Variants in ERC2 observed in about 807,000 individuals in gnomAD.
ERC2 encodes the protein ELKS/RAB6-interacting/CAST family member 2, also known as ERC protein 2.
A neutral mutation model predicts 114.8 loss-of-function variants in ERC2; 42 were observed. The ratio of observed to expected loss-of-function variants is 0.37; its 90% CI spans 0.29 to 0.47. ERC2 has a LOEUF of 0.47. ERC2 is among the 20% of genes least tolerant of loss of function. ERC2 has a pLI of 0.99. For missense variants in ERC2, 939 were observed against 1,150.7 expected (o/e 0.82, Z 2.66); for synonymous variants, 454 against 425.5 (o/e 1.07, Z -0.82).
intron 1 of ERC2, among the ~76,000 whole-genome samples, chr3:56,443,608 G>C (rs938701635): frequency 6.6e-6 from 1 of 151,318 alleles, no homozygotes; most frequent in African/African-American, 2.4e-5. Flanking sequence ...GCCCCACCCA[G>C]CTGTGTTTCA....
At chr3:56,382,206 C>T (rs2059778844) in intron 2 of ERC2, among the ~76,000 whole-genome samples, 1 of 152,148 alleles carries the variant, frequency 6.6e-6, no homozygotes, top group African/African-American at 2.4e-5. Flanking sequence ...TGTGCCTACC[C>T]ATAGTAGCCC....
intron 8 of ERC2, among the ~76,000 whole-genome samples, chr3:56,013,265 T>C (rs2073080597): frequency 6.6e-6 from 1 of 152,210 alleles, no homozygotes; most frequent in Non-Finnish European, 1.5e-5. Context: ...TGATGGATTC[T>C]TTTCATCAGC....
At chr3:56,149,384 C>G (rs1452745588) in intron 4 of ERC2, among the ~76,000 whole-genome samples, 1 of 151,994 alleles carries the variant, frequency 6.6e-6, no homozygotes, top group East Asian at 1.9e-4. Flanking sequence ...TATCTAATAT[C>G]TGGGAATCAA....
chr3:56,191,633 C>T (rs1354371896), intron 3 of ERC2, among the ~76,000 whole-genome samples: 3 of 152,060 alleles, frequency 2.0e-5, no homozygotes, highest in South Asian at 2.1e-4. Flanking sequence ...GCAGTGCTGT[C>T]GCAAACCCAA....
chr3:56,423,373 G>A (rs982432677), intron 2 of ERC2, among the ~76,000 whole-genome samples: 2 of 152,210 alleles, frequency 1.3e-5, no homozygotes, highest in African/African-American at 2.4e-5. Context: ...GGGCTGTCCC[G>A]TGCACTGTAG....
chr3:55,595,345 G>A (rs932722304), intron 17 of ERC2, among the ~76,000 whole-genome samples: 1 of 152,174 alleles, frequency 6.6e-6, no homozygotes, highest in Non-Finnish European at 1.5e-5. Context: ...TCAGCATTCT[G>A]TCTCCTAATG....
chr3:56,161,411 A>G (rs2082040670), intron 4 of ERC2, among the ~76,000 whole-genome samples: 2 of 152,242 alleles, frequency 1.3e-5, no homozygotes, highest in South Asian at 4.1e-4. Flanking sequence ...TGAAGTTTAG[A>G]AAAGTTTTTT....
intron 17 of ERC2, among the ~76,000 whole-genome samples, chr3:55,667,922 C>A (rs979132275): frequency 6.6e-6 from 1 of 152,176 alleles, no homozygotes; most frequent in Admixed American, 6.5e-5. Context: ...CTGGATACTT[C>A]TTTGTCTTGC....
chr3:56,086,956 G>A, intron 6 of ERC2, among the ~76,000 whole-genome samples: 1 of 151,956 alleles, frequency 6.6e-6, no homozygotes, highest in East Asian at 1.9e-4. Context: ...TTAAACTTTG[G>A]CAGTTGACTC....
intron 17 of ERC2, among the ~76,000 whole-genome samples, chr3:55,546,133 G>A (rs904034990): frequency 1.3e-5 from 2 of 152,142 alleles, no homozygotes; most frequent in African/African-American, 4.8e-5. Context: ...CTGGCTCTGT[G>A]GTTAATACAA....
At chr3:55,864,168 CACATATATATAT>C (rs776473688) in intron 14 of ERC2, among the ~76,000 whole-genome samples, 5 of 114,370 alleles carry the variant, frequency 4.4e-5, no homozygotes, top group Non-Finnish European at 9.0e-5. Flanking sequence ...CATATATATA[CACATATATATAT>C]ACACATATAT....
chr3:56,354,764 A>G (rs1299860360), intron 2 of ERC2, among the ~76,000 whole-genome samples: 1 of 152,216 alleles, frequency 6.6e-6, no homozygotes, highest in East Asian at 1.9e-4. Context: ...TTTATTTCAA[A>G]GAAATTCTAG....
chr3:55,663,187 C>G (rs534993753), intron 17 of ERC2, among the ~76,000 whole-genome samples: 24 of 152,182 alleles, frequency 1.6e-4, no homozygotes, highest in Non-Finnish European at 2.5e-4. Flanking sequence ...ATTAGACAAT[C>G]GTTCTTTACT....
At chr3:56,417,879 G>A (rs975482080) in intron 2 of ERC2, among the ~76,000 whole-genome samples, 2 of 152,178 alleles carry the variant, frequency 1.3e-5, no homozygotes, top group African/African-American at 4.8e-5. Context: ...ATGTAGTAAT[G>A]TCACTACATG....
At chr3:56,052,840 C>T (rs970676937) in intron 7 of ERC2, among the ~76,000 whole-genome samples, 3 of 152,102 alleles carry the variant, frequency 2.0e-5, no homozygotes, top group Non-Finnish European at 4.4e-5. Context: ...GGACTGTCAG[C>T]CCTACCCTAT....
intron 3 of ERC2, among the ~76,000 whole-genome samples, chr3:56,196,826 T>C (rs959215871): frequency 2.6e-5 from 4 of 152,110 alleles, no homozygotes; most frequent in Non-Finnish European, 4.4e-5. Context: ...CCCCTATAAA[T>C]GGGACTATAC....
At chr3:56,332,119 G>T (rs149978324) in intron 2 of ERC2, among the ~76,000 whole-genome samples, 1 of 139,990 alleles carries the variant, frequency 7.1e-6, no homozygotes, top group African/African-American at 2.6e-5. Context: ...CCAGGGGAAA[G>T]ACTTCCTATT....
chr3:56,004,646 A>G (rs2149555517), intron 10 of ERC2, among the ~76,000 whole-genome samples: 1 of 152,180 alleles, frequency 6.6e-6, no homozygotes, highest in South Asian at 2.1e-4. Flanking sequence ...TGCCACTGGC[A>G]GACAAGGTTT....
intron 6 of ERC2, among the ~76,000 whole-genome samples, chr3:56,089,539 A>C (rs1021915669): frequency 4.6e-5 from 7 of 152,182 alleles, no homozygotes; most frequent in Non-Finnish European, 1.0e-4. Context: ...ATCAATATGA[A>C]AAATATTGAG....
Sources: allele counts gnomAD v4.1 joint callset (sites outside exome capture counted in the v4.1 genomes callset), GRCh38; gene constraint gnomAD v4.1.1; transcripts MANE v1.5; gene names NCBI Gene and HGNC (gene_info 2026-07-23, HGNC 2026-07-21).